The following SKA2 variants were observed in gnomAD, a reference collection of about 807,000 sequenced individuals.
SKA2 encodes spindle and kinetochore associated complex subunit 2.
In SKA2, 13 loss-of-function variants were observed where a neutral mutation model predicts 16.9. The observed-to-expected ratio is 0.77, with a 90% CI of 0.50 to 1.22. SKA2 has a LOEUF of 1.22. Ranked by LOEUF, SKA2 falls within the 50% of genes most tolerant of loss-of-function variation. The pLI is 0.00. For missense variants in SKA2, 107 were observed against 139.7 expected, an observed-to-expected ratio of 0.77 and a Z score of 1.18; for synonymous variants, 47 against 48.5, an observed-to-expected ratio of 0.97 and a Z score of 0.13.
At chr17:59,150,995 GTT>G (rs529606797) in intron 1 of SKA2, 4 of 310,762 alleles carry the variant, frequency 1.3e-5, no homozygotes, top group South Asian at 2.6e-5. Flanking sequence ...TAGTTAAAAG[GTT>G]TTTTTTTTTC....
rs1194569411 is a variant in SKA2, at chr17:59,110,342, T to C, written c.*1935A>G. ...AAAACCACTTTTAATACTAAGAATT[T>C]ATTATGATCTCTCCATGATACTACC... On this transcript the variant is annotated 3_prime_UTR_variant, in exon 4 of 4. Transcript: ENST00000330137. The C allele has an allele frequency of 6.6e-6, 1 of 152,176 alleles. No individual in the cohort carries two copies. The highest frequency in any genetic ancestry group is 1.5e-5 in the Non-Finnish European group (1 of 68,038). The allele number at this position is 152,176 out of a possible 1,614,324, so 9.4% of individuals were successfully genotyped here. A position where few individuals can be genotyped will look rare whatever the true frequency, so the allele number is the denominator to read the frequency against.
chr17:59,124,440 A>G (rs1289105966), intron 2 of SKA2: 1 of 151,608 alleles, frequency 6.6e-6, no homozygotes, highest in Non-Finnish European at 1.5e-5. Context: ...TGGGGAAAAA[A>G]AAAAAAGTTT....
At chr17:59,119,683 A>G (rs2046320017) in intron 2 of SKA2, among the ~76,000 whole-genome samples, 188 bp from the exon 3 acceptor site, 1 of 152,198 alleles carries the variant, frequency 6.6e-6, no homozygotes, top group African/African-American at 2.4e-5. Flanking sequence ...CCTAGATCCT[A>G]TTCTCAAGGA....
intron 1 of SKA2, 22 bp downstream of exon 1, chr17:59,155,109 A>G (rs1261418224): frequency 6.2e-7 from 1 of 1,613,792 alleles, no homozygotes; most frequent in African/African-American, 1.3e-5. Flanking sequence ...TACCCAGTAG[A>G]TCTCCTTCAC....
chr17:59,119,454 CTT>C lies in SKA2; in HGVS notation c.160_161del (p.Lys54ValfsTer11), dbSNP rs1568301608. 6.2e-7 allele frequency: 1 copy of C among 1,613,964 alleles called. No homozygotes were observed. The highest frequency in any genetic ancestry group is 8.5e-7 in the Non-Finnish European group (1 of 1,179,878). On this transcript the variant is annotated frameshift_variant, in exon 3 of 4. Coordinates refer to ENST00000330137, the MANE Select transcript of SKA2 (RefSeq NM_182620.4). LOFTEE classifies it high-confidence loss of function. ...VTLLKELSVI[K>X]SRYQTLYARF... ...GGGCATACAAAGTTTGATATCGAGACTTTATCACTGACAATTCCTTTAAGAGT... is the reference window on the plus strand; with the variant it reads ...GGGCATACAAAGTTTGATATCGAGACTATCACTGACAATTCCTTTAAGAGT...
intron 2 of SKA2, among the ~76,000 whole-genome samples, chr17:59,129,919 G>GGGAGGGAA (rs2046399834): frequency 7.5e-6 from 1 of 133,860 alleles, no homozygotes; most frequent in Non-Finnish European, 1.6e-5. Context: ...GAGGGAGGGA[G>GGGAGGGAA]GGAAGGAAGG....
chr17:59,145,757 G>A (rs1166715845), intron 1 of SKA2, among the ~76,000 whole-genome samples: 6 of 152,098 alleles, frequency 3.9e-5, no homozygotes, highest in Non-Finnish European at 7.4e-5. Flanking sequence ...GGGAGGCTGA[G>A]GTAGGAGGAT....
At chr17:59,145,266 T>C (rs917029592) in intron 1 of SKA2, among the ~76,000 whole-genome samples, 1 of 152,190 alleles carries the variant, frequency 6.6e-6, no homozygotes, top group Admixed American at 6.5e-5. Context: ...ACAAACGTAA[T>C]AAACAGTATG....
In SKA2 at chr17:59,131,262, T is replaced by A. The variant is rs2046410007; in HGVS notation, c.120+19A>T. On this transcript the variant is annotated intron_variant, in intron 2 of 3. Coordinates refer to ENST00000330137, the MANE Select transcript of SKA2 (RefSeq NM_182620.4). ...AGTTAAGGCTGATTTTTTTTAAGCTTATTTATTTCGGAGATTACCTCACTT... is the reference window on the plus strand; with the variant it reads ...AGTTAAGGCTGATTTTTTTTAAGCTAATTTATTTCGGAGATTACCTCACTT... 2 of 1,549,062 alleles carry A rather than the reference T, an allele frequency of 1.3e-6. No homozygotes were observed. The highest frequency in any genetic ancestry group is 1.2e-5 in the South Asian group (1 of 83,042).
In SKA2 at chr17:59,125,863, T is replaced by C. The variant is rs542754826; in HGVS notation, c.120+5418A>G. Among the ~76,000 whole-genome samples the C allele has an allele frequency of 1.1e-4, 16 of 151,890 alleles. No individual in the cohort carries two copies. In the South Asian group the frequency reaches 3.3e-3, roughly 32 times the overall value. On this transcript the variant is annotated intron_variant, in intron 2 of 3. Coordinates refer to ENST00000330137, the MANE Select transcript of SKA2 (RefSeq NM_182620.4). ...AGCTTAAAAGAATCTATAGGGAAAA[T>C]GTTCATAAAATAAAATTATGTTTCT... is the stretch of plus-strand genomic sequence containing the variant.
At chr17:59,137,759 C>T in intron 1 of SKA2, 1 of 524,402 alleles carries the variant, frequency 1.9e-6, no homozygotes, top group African/African-American at 1.9e-5. Flanking sequence ...TTTCTGCAGC[C>T]TGCCCATTGT....
chr17:59,120,213 T>G (rs2046323522), intron 2 of SKA2, among the ~76,000 whole-genome samples: 1 of 151,798 alleles, frequency 6.6e-6, no homozygotes, highest in African/African-American at 2.4e-5. Context: ...CGGCCAAAAT[T>G]CGTAAACATA....
At position 59,110,239 on chromosome 17, in the gene SKA2, AAAC is replaced by A. The variant is rs1311677831; in HGVS notation, c.*2035_*2037del. On this transcript the variant is annotated 3_prime_UTR_variant, in exon 4 of 4. Transcript: ENST00000330137. ...CAATGTTAAGGGGGCTGTGGGGAAA[AAAC>A]AACATTTGGAAGATAACTGAAGGAA... 1 of 152,180 alleles carries A rather than the reference AAAC, an allele frequency of 6.6e-6. No individual in the cohort carries two copies. The highest frequency in any genetic ancestry group is 2.1e-4 in the South Asian group (1 of 4,828). The allele number at this position is 152,180 out of a possible 1,614,324, so 9.4% of individuals were successfully genotyped here.
At chr17:59,126,562 TA>T (rs1440805832) in intron 2 of SKA2, among the ~76,000 whole-genome samples, 1 of 152,252 alleles carries the variant, frequency 6.6e-6, no homozygotes, top group Non-Finnish European at 1.5e-5. Flanking sequence ...CCTGTTCCTT[TA>T]CATGTATATA....
At chr17:59,154,198 GA>G (rs1198893727) in intron 1 of SKA2, among the ~76,000 whole-genome samples, 6 of 148,170 alleles carry the variant, frequency 4.0e-5, no homozygotes, top group East Asian at 2.0e-4. Context: ...GAAAAGAAAA[GA>G]AAAAAAAGAT....
chr17:59,144,175 G>C (rs1341498629), intron 1 of SKA2, among the ~76,000 whole-genome samples: 1 of 151,488 alleles, frequency 6.6e-6, no homozygotes, highest in African/African-American at 2.4e-5. Flanking sequence ...CCTGATGACA[G>C]AGCGAGGCTC....
At chr17:59,144,979 G>T (rs925570868) in intron 1 of SKA2, among the ~76,000 whole-genome samples, 1 of 152,100 alleles carries the variant, frequency 6.6e-6, no homozygotes, top group Non-Finnish European at 1.5e-5. Flanking sequence ...TGTATTTTTA[G>T]TAGAGACGGG....
At chr17:59,128,001 A>G (rs1409418551) in intron 2 of SKA2, among the ~76,000 whole-genome samples, 8 of 150,578 alleles carry the variant, frequency 5.3e-5, no homozygotes, top group African/African-American at 2.0e-4. Context: ...GTGGATCATG[A>G]GGTCAGGAGT....
intron 1 of SKA2, among the ~76,000 whole-genome samples, chr17:59,154,639 C>T (rs1433834693): frequency 1.3e-5 from 2 of 152,220 alleles, no homozygotes; most frequent in Non-Finnish European, 1.5e-5. Context: ...AGCATCCTTT[C>T]TCAGACTTTC....
Sources: allele counts gnomAD v4.1 joint callset (sites outside exome capture counted in the v4.1 genomes callset), GRCh38; gene constraint gnomAD v4.1.1; transcripts MANE v1.5; gene names NCBI Gene and HGNC (gene_info 2026-07-23, HGNC 2026-07-21).